Variants in PLBD1 observed in about 807,000 individuals in gnomAD.
PLBD1 encodes the protein phospholipase B domain containing 1, also known as lysosomal leucine aminopeptidase.
In PLBD1, 60 loss-of-function variants were observed where a neutral mutation model predicts 63.0. That is an observed-to-expected ratio of 0.95 (90% CI 0.77 to 1.18). The LOEUF (loss-of-function observed/expected upper bound fraction) is 1.18. PLBD1 is among the 50% of genes most tolerant of loss of function. The pLI is 0.00. For synonymous variants in PLBD1, 262 were observed against 248.0 expected (o/e 1.06, Z -0.53); for missense variants, 598 against 677.9 (o/e 0.88, Z 1.31).
In PLBD1 at chr12:14,536,556, C is replaced by T. The variant is rs1016314751; in HGVS notation, c.699+14G>A. 3.0e-5 allele frequency: 48 copies of T among 1,612,346 alleles called. No homozygotes were observed. The highest frequency in any genetic ancestry group is 4.0e-5 in the Non-Finnish European group (47 of 1,179,092). ...ATGAACCAGAACAAGGCAAAAGGAG[C>T]TGCTATGTCTTACCTTGATAAGAGC... On this transcript the variant is annotated intron_variant, in intron 5 of 10. Coordinates refer to ENST00000240617, the MANE Select transcript of PLBD1 (RefSeq NM_024829.6).
chr12:14,567,007 A>G (rs1349709294), intron 1 of PLBD1, among the ~76,000 whole-genome samples: 1 of 152,016 alleles, frequency 6.6e-6, no homozygotes, highest in African/African-American at 2.4e-5. Context: ...AGGGAGGAGA[A>G]TCGCTTGAAC....
chr12:14,507,180 G>T, intron 8 of PLBD1, 62 bp from the exon 9 acceptor site: 1 of 1,235,200 alleles, frequency 8.1e-7, no homozygotes, highest in Non-Finnish European at 1.1e-6. Context: ...GAAAAGGAGA[G>T]AGAGCAAAAG....
chr12:14,507,508 A>G (rs1463472912), intron 8 of PLBD1, among the ~76,000 whole-genome samples: 2 of 152,236 alleles, frequency 1.3e-5, no homozygotes, highest in Non-Finnish European at 2.9e-5. Context: ...GGTTGTTCAC[A>G]GTGTGGCCCT....
intron 1 of PLBD1, among the ~76,000 whole-genome samples, chr12:14,556,715 T>A (rs1003748168): frequency 2.0e-5 from 3 of 150,262 alleles, no homozygotes; most frequent in African/African-American, 7.3e-5. Context: ...CCAGGTGCAG[T>A]GGTTCACCGC....
chr12:14,511,419 T>A lies in PLBD1; in HGVS notation c.1046-19A>T, dbSNP rs761434336. On this transcript the variant is annotated intron_variant, in intron 7 of 10. Coordinates refer to ENST00000240617, the MANE Select transcript of PLBD1 (RefSeq NM_024829.6). ...TAGGTGCCTGAAATATCAGGAAACA[T>A]GAAGACGGGGCATGGGTATGACTTT... The A allele has an allele frequency of 1.9e-6, 3 of 1,613,206 alleles. No individual in the cohort carries two copies. The Admixed American group carries it at 5.0e-5, about 27-fold the overall frequency.
chr12:14,554,521 T>C (rs1945685674), intron 1 of PLBD1, among the ~76,000 whole-genome samples: 1 of 152,114 alleles, frequency 6.6e-6, no homozygotes, highest in Non-Finnish European at 1.5e-5. Flanking sequence ...TCAGGGACTG[T>C]TTTGAGTGCT....
chr12:14,559,884 A>G (rs1171895930), intron 1 of PLBD1, among the ~76,000 whole-genome samples: 2 of 149,516 alleles, frequency 1.3e-5, no homozygotes, highest in African/African-American at 4.9e-5. Context: ...TTTGAGACAG[A>G]GTTTTCGCTC....
chr12:14,504,752 CACCT>C (rs769433977), intron 10 of PLBD1, among the ~76,000 whole-genome samples: 1 of 152,218 alleles, frequency 6.6e-6, no homozygotes, highest in Non-Finnish European at 1.5e-5. Context: ...TTCTCAAAAA[CACCT>C]AACAACTGGC....
chr12:14,518,818 C>T (rs569671056), intron 6 of PLBD1, among the ~76,000 whole-genome samples: 7 of 152,072 alleles, frequency 4.6e-5, no homozygotes, highest in African/African-American at 1.7e-4. Flanking sequence ...CACAGGGTAC[C>T]TAGGAAGCTC....
chr12:14,541,369 A>G (rs576426195), intron 3 of PLBD1, among the ~76,000 whole-genome samples: 64 of 152,354 alleles, frequency 4.2e-4, no homozygotes, highest in African/African-American at 1.5e-3. Flanking sequence ...TGCATAGCTT[A>G]TGATTCATTC....
In PLBD1 at chr12:14,512,664, T is replaced by C. The variant is rs1053442925; in HGVS notation, c.845-953A>G. ...GATAGAATATCAGGCACAGCTGTAA[T>C]AAAAAGAGAGGATATACTGTCATCA... On this transcript the variant is annotated intron_variant, in intron 6 of 10. Coordinates refer to ENST00000240617, the MANE Select transcript of PLBD1 (RefSeq NM_024829.6). 5.3e-5 allele frequency among the ~76,000 whole-genome samples: 8 copies of C among 152,128 alleles called. 1 individual carries two copies. Among genetic ancestry groups the C allele is most frequent in the Admixed American group, 5.2e-4 (8 of 15,278 alleles).
At chr12:14,545,736 G>A (rs2136927159) in intron 2 of PLBD1, among the ~76,000 whole-genome samples, 1 of 151,944 alleles carries the variant, frequency 6.6e-6, no homozygotes, top group African/African-American at 2.4e-5. Flanking sequence ...TTTTATTGCT[G>A]GTGAAGTACA....
chr12:14,511,433 G>A lies in PLBD1; in HGVS notation c.1046-33C>T, dbSNP rs1284059195. 6.8e-6 allele frequency: 11 copies of A among 1,613,346 alleles called. No individual in the cohort carries two copies. The Admixed American group carries it at 1.2e-4, about 17-fold the overall frequency. ...ATCAGGAAACATGAAGACGGGGCAT[G>A]GGTATGACTTTACTGGTTAACAAGC... is the stretch of plus-strand genomic sequence containing the variant. On this transcript the variant is annotated intron_variant, in intron 7 of 10. Transcript: ENST00000240617.
At chr12:14,535,907 G>T in intron 5 of PLBD1, 104 bp from the exon 6 acceptor site, 3 of 1,215,428 alleles carry the variant, frequency 2.5e-6, no homozygotes, top group Non-Finnish European at 2.3e-6. Context: ...TCAGGTAAGT[G>T]TTTATTGCTA....
intron 10 of PLBD1, among the ~76,000 whole-genome samples, chr12:14,504,709 A>G (rs1201620520): frequency 2.0e-5 from 3 of 152,230 alleles, no homozygotes; most frequent in Admixed American, 6.5e-5. Context: ...CTGAAAGTAG[A>G]TAGAGCTCAC....
At position 14,511,565 on chromosome 12, in the gene PLBD1, T is replaced by C. The variant is rs1247719672; in HGVS notation, c.991A>G (p.Met331Val). 6.2e-7 allele frequency: 1 copy of C among 1,614,216 alleles called. No individual in the cohort carries two copies. The highest frequency in any genetic ancestry group is 1.1e-5 in the South Asian group (1 of 91,086). ...LSWQRVRVAN[M>V]MADSGKRWAD... ...CACCTCTTGCCACTATCTGCCATCA[T>C]ATTGGCCACACGGACTCTTTGCCAG... Residue 331 changes from methionine to valine, a missense_variant, in exon 7 of 11, where the codon ATG becomes GTG. Coordinates refer to ENST00000240617, the MANE Select transcript of PLBD1 (RefSeq NM_024829.6).
At chr12:14,554,778 C>T (rs78437487) in intron 1 of PLBD1, among the ~76,000 whole-genome samples, 3,960 of 152,080 alleles carry the variant, frequency 0.026, 165 homozygotes, top group African/African-American at 0.09. Flanking sequence ...TTTCCTTCCA[C>T]GGCCTTTGGG....
intron 4 of PLBD1, among the ~76,000 whole-genome samples, chr12:14,538,395 T>C (rs1945537691): frequency 6.6e-6 from 1 of 152,098 alleles, no homozygotes; most frequent in African/African-American, 2.4e-5. Context: ...GGTTTCACCA[T>C]GTTGGCTAGG....
Position 14,503,946 on chromosome 12 carries a change from AT to A in PLBD1, c.1487del (p.Asp496ValfsTer4). The A allele has an allele frequency of 6.3e-7, 1 of 1,597,544 alleles. No homozygotes were observed. Among genetic ancestry groups the A allele is most frequent in the Non-Finnish European group, 8.5e-7 (1 of 1,170,550 alleles). On this transcript the variant is annotated frameshift_variant, in exon 11 of 11. Transcript: ENST00000240617. LOFTEE classifies it high-confidence loss of function. Reference sequence around the variant, plus strand: ...ATGTGTACTGAGATGCTAGGTAGATATCTGCCACCTGGAAAGAGGGAGGAGG... The same window carrying A: ...ATGTGTACTGAGATGCTAGGTAGATACTGCCACCTGGAAAGAGGGAGGAGG... ...PGGCYDTKVA[D>X]IYLASQYTSY...
Sources: allele counts gnomAD v4.1 joint callset (sites outside exome capture counted in the v4.1 genomes callset), GRCh38; gene constraint gnomAD v4.1.1; transcripts MANE v1.5; gene names NCBI Gene and HGNC (gene_info 2026-07-23, HGNC 2026-07-21).